The following GNS variants were observed in gnomAD, a reference collection of about 807,000 sequenced individuals.
GNS encodes the protein glucosamine (N-acetyl)-6-sulfatase.
A neutral mutation model predicts 69.7 loss-of-function variants in GNS; 40 were observed. That is an observed-to-expected ratio of 0.57 (90% confidence interval 0.45 to 0.75). The LOEUF (loss-of-function observed/expected upper bound fraction) is 0.75, where lower values mean the gene tolerates loss of function less well. Among genes scored for constraint, GNS ranks in the 30% least tolerant of loss-of-function variants. GNS has a pLI of 0.00. For synonymous variants in GNS, 243 were observed against 251.6 expected (o/e 0.97, Z 0.32); for missense variants, 565 against 685.5 (o/e 0.82, Z 1.96).
chr12:64,733,630 G>A (rs1384380813), intron 9 of GNS, among the ~76,000 whole-genome samples: 1 of 152,156 alleles, frequency 6.6e-6, no homozygotes, highest in Non-Finnish European at 1.5e-5. Flanking sequence ...CAGCTTTCCT[G>A]ACAAGGAAGA....
At chr12:64,731,394 C>T (rs1265994628) in intron 9 of GNS, among the ~76,000 whole-genome samples, 1 of 152,164 alleles carries the variant, frequency 6.6e-6, no homozygotes, top group Admixed American at 6.5e-5. Context: ...TTTCTAATGG[C>T]ATTTTGCTCT....
chr12:64,759,373 G>A lies in GNS; in HGVS notation c.-97C>T. ...GGCCGACCAGCCGAAGGAATAAAAA[G>A]CCGTGCCTTGAAGGCCGGTGGCTGG... On this transcript the variant is annotated 5_prime_UTR_variant, in exon 1 of 14. Coordinates refer to ENST00000258145, the MANE Select transcript of GNS (RefSeq NM_002076.4). 2.4e-6 allele frequency: 2 copies of A among 845,296 alleles called. No homozygotes were observed. The highest frequency in any genetic ancestry group is 3.6e-5 in the South Asian group (2 of 55,104). The allele number at this position is 845,296 out of a possible 1,614,324, so 52.4% of individuals were successfully genotyped here.
chr12:64,757,417 T>G (rs1870285871), intron 1 of GNS, among the ~76,000 whole-genome samples: 1 of 152,228 alleles, frequency 6.6e-6, no homozygotes, highest in Admixed American at 6.5e-5. Flanking sequence ...AGGACACATT[T>G]TCTTTTTTTT....
chr12:64,742,023 C>T (rs1869753663), intron 6 of GNS, among the ~76,000 whole-genome samples: 2 of 151,768 alleles, frequency 1.3e-5, no homozygotes, highest in Non-Finnish European at 2.9e-5. Context: ...CTCATCTCAT[C>T]TTATTTTATT....
rs12300259 is a variant in GNS, at chr12:64,739,202, C to T, written c.994+179G>A. ...GCATGTGAAACAGCAAATAATGAAA[C>T]CTGGTTTCTCCACGTGGGTATGATG... On this transcript the variant is annotated intron_variant, in intron 8 of 13. Transcript: ENST00000258145. Among the ~76,000 whole-genome samples, 6,404 of 152,132 alleles carry T rather than the reference C, an allele frequency of 0.042. 432 individuals are homozygous for T. Among genetic ancestry groups the T allele is most frequent in the African/African-American group, 0.14 (5,863 of 41,454 alleles).
Position 64,743,087 on chromosome 12 carries a change from C to G in GNS, c.792+54G>C, listed in dbSNP as rs75571076. On this transcript the variant is annotated intron_variant, in intron 6 of 13. Coordinates refer to ENST00000258145, the MANE Select transcript of GNS (RefSeq NM_002076.4). ...GCTCAAAGGCTTCCTGACAAGTATA[C>G]CATATAGTTAATGATACTTAGTATG... 5,700 of 1,331,626 alleles carry G rather than the reference C, an allele frequency of 4.3e-3. 15 individuals carry two copies. The highest frequency in any genetic ancestry group is 5.5e-3 in the Non-Finnish European group (5,110 of 923,110). 82.5% of individuals were successfully genotyped at this position (1,331,626 alleles called of 1,614,324 possible).
At position 64,739,428 on chromosome 12, in the gene GNS, A is replaced by G; in HGVS notation, c.947T>C (p.Leu316Pro). 6.2e-7 allele frequency: 1 copy of G among 1,608,018 alleles called. No homozygotes were observed. The stretch of plus-strand genomic sequence containing the variant: ...GGTATAGAAGATGTAAGTGTTGTTG[A>G]GCTCCCCAGTGAACTCCAGCCTCTT... ...LVKRLEFTGE[L>P]NNTYIFYTSD... The change falls in exon 8 of 14, where the codon CTC (leucine) becomes CCC (proline). Residue 316 changes from leucine to proline, a missense_variant. By Grantham distance (98) the Leu-to-Pro change is moderately conservative. Transcript: ENST00000258145.
chr12:64,747,777 A>C lies in GNS; in HGVS notation c.394T>G (p.Phe132Val). ...SWQKIQEPNTFPAILRSMCGY... is the reference protein window; with the variant it reads ...SWQKIQEPNTVPAILRSMCGY... ...CACATTGATCTGAGAATTGCTGGGA[A>C]AGTATTTGGTTCTTGGATCTTCTGC... Residue 132 changes from phenylalanine (F) to valine (V), a missense_variant, in exon 3 of 14, where the codon TTC becomes GTC. Physicochemically the swap from Phe to Val is conservative, Grantham distance 50. Transcript: ENST00000258145. 2 of 1,612,928 alleles carry C rather than the reference A, an allele frequency of 1.2e-6. No homozygotes were observed. Among genetic ancestry groups the C allele is most frequent in the Non-Finnish European group, 1.7e-6 (2 of 1,178,878 alleles).
chr12:64,746,130 G>A (rs1173235541), intron 3 of GNS: 1 of 261,964 alleles, frequency 3.8e-6, no homozygotes, highest in African/African-American at 2.3e-5. Context: ...TCACGCTACA[G>A]TGGCAGAGCT....
chr12:64,724,389 T>C (rs777785347), intron 10 of GNS, among the ~76,000 whole-genome samples: 1 of 152,182 alleles, frequency 6.6e-6, no homozygotes, highest in African/African-American at 2.4e-5. Flanking sequence ...ATGCTAAATG[T>C]GGGTGAGTAC....
intron 6 of GNS, among the ~76,000 whole-genome samples, chr12:64,742,490 C>T (rs755930702): frequency 2.0e-5 from 3 of 152,330 alleles, no homozygotes; most frequent in South Asian, 2.1e-4. Context: ...AGTTAAGCAT[C>T]GTGCTCATAG....
chr12:64,752,643 T>G, intron 2 of GNS, 55 bp downstream of exon 2: 1 of 890,082 alleles, frequency 1.1e-6, no homozygotes, highest in Non-Finnish European at 1.9e-6. Flanking sequence ...GAGAGTATCT[T>G]CTTAGAATAC....
At chr12:64,740,851 G>A (rs1425918070) in intron 6 of GNS, among the ~76,000 whole-genome samples, 163 bp from the exon 7 acceptor site, 1 of 152,104 alleles carries the variant, frequency 6.6e-6, no homozygotes, top group African/African-American at 2.4e-5. Context: ...CTCCCTTCCT[G>A]TGTTCCTAAA....
intron 7 of GNS, among the ~76,000 whole-genome samples, chr12:64,740,371 T>C (rs1402198014): frequency 1.3e-5 from 2 of 152,200 alleles, no homozygotes; most frequent in African/African-American, 4.8e-5. Flanking sequence ...TGCAAGACTT[T>C]TGCCAAGTCC....
At position 64,723,048 on chromosome 12, in the gene GNS, G is replaced by A. The variant is rs770070081; in HGVS notation, c.1266C>T (p.Asn422=). 1.4e-5 allele frequency: 22 copies of A among 1,612,380 alleles called. No individual in the cohort carries two copies. The highest frequency in any genetic ancestry group is 1.7e-5 in the Non-Finnish European group (20 of 1,178,514). Residue 422 remains asparagine (N), a synonymous_variant, in exon 11 of 14, where the codon AAC becomes AAT. Transcript: ENST00000258145. ...GGGAAGGGCATGTTGGGTCAGTGACGTTACGGCCTTCTCCTTGGTATTCCA... is the reference window on the plus strand; with the variant it reads ...GGGAAGGGCATGTTGGGTCAGTGACATTACGGCCTTCTCCTTGGTATTCCA... The part of the protein sequence containing the change: ...VLVEYQGEGR[N]VTDPTCPSLS...
intron 10 of GNS, among the ~76,000 whole-genome samples, chr12:64,724,845 A>G (rs1398353610): frequency 6.6e-6 from 1 of 152,172 alleles, no homozygotes; most frequent in East Asian, 1.9e-4. Flanking sequence ...TAGGTGACAG[A>G]GCGAGACTCT....
rs115257873 is a variant in GNS at position 64,748,844 on chromosome 12, G to A, written c.253-926C>T. 4.1e-3 allele frequency among the ~76,000 whole-genome samples: 617 copies of A among 152,320 alleles called. 1 individual carries two copies. Among genetic ancestry groups the A allele is most frequent in the African/African-American group, 0.014 (571 of 41,574 alleles). ...GCTTATACTTGGACCAGCAGGGAAG[G>A]AATGGGCATTTGAGCACACACTCAT... On this transcript the variant is annotated intron_variant, in intron 2 of 13. Transcript: ENST00000258145.
chr12:64,734,015 A>G (rs1307196219), intron 9 of GNS, among the ~76,000 whole-genome samples: 1 of 152,176 alleles, frequency 6.6e-6, no homozygotes. Context: ...TCAGCTCATT[A>G]TGCCCAACTC....
intron 9 of GNS, among the ~76,000 whole-genome samples, chr12:64,734,366 A>G (rs970426727): frequency 2.0e-5 from 3 of 152,168 alleles, no homozygotes; most frequent in Admixed American, 6.5e-5. Flanking sequence ...ATAGGGTGTG[A>G]CAAGTGTGAG....
Sources: gnomAD v4.1 joint callset for allele counts (sites outside exome capture counted in the v4.1 genomes callset) on GRCh38, gnomAD v4.1.1 for gene constraint, MANE v1.5 for transcripts, NCBI Gene and HGNC (gene_info 2026-07-23, HGNC 2026-07-21) for gene names.